The following TET3 variants were observed in gnomAD, a reference collection of about 807,000 sequenced individuals.
TET3 encodes tet methylcytosine dioxygenase 3.
Under a neutral mutation model 141.4 loss-of-function variants are expected in TET3, and 19 were observed. The observed-to-expected ratio is 0.13, with a 90% confidence interval of 0.09 to 0.20. The LOEUF (loss-of-function observed/expected upper bound fraction) is 0.20, where lower values mean the gene tolerates loss of function less well. Among genes scored for constraint, TET3 ranks in the 10% least tolerant of loss-of-function variants. TET3 has a pLI of 1.00. For synonymous variants in TET3, 1,043 were observed against 980.9 expected (o/e 1.06, Z -1.18); for missense variants, 1,874 against 2,356.9 (o/e 0.80, Z 4.24).
At chr2:74,133,407 G>A in the TET3 span, among the ~76,000 whole-genome samples, 1 of 152,244 alleles carries the variant, frequency 6.6e-6, no homozygotes. Flanking sequence ...CTGAGTGGCT[G>A]TGGCTCAACC....
rs757810178 is a variant in TET3 at position 74,101,519 on chromosome 2, G to A, written c.4731G>A (p.Arg1577=). The A allele has an allele frequency of 5.6e-6, 9 of 1,612,194 alleles. No individual in the cohort carries two copies. The highest frequency in any genetic ancestry group is 7.6e-6 in the Non-Finnish European group (9 of 1,179,170). ...IPAAGASQLD[R]AWQSFGLPLG... Reference sequence around the variant, plus strand: ...CCGCAGGGGCCAGCCAGCTGGACAGGGCCTGGCAGTCCTTTGGTCTGCCCC... The same window carrying A: ...CCGCAGGGGCCAGCCAGCTGGACAGAGCCTGGCAGTCCTTTGGTCTGCCCC... The change falls in exon 12 of 12, where the codon AGG becomes AGA. Residue 1577 remains arginine (R), a synonymous_variant. Coordinates refer to ENST00000409262, the MANE Select transcript of TET3 (RefSeq NM_001287491.2). The surrounding 1 kb of genome is among the most constrained non-coding windows in gnomAD (Gnocchi z 8.5).
At chr2:74,074,898 G>A (rs1402151259) in intron 5 of TET3, among the ~76,000 whole-genome samples, 1 of 151,890 alleles carries the variant, frequency 6.6e-6, no homozygotes, top group Admixed American at 6.6e-5. Flanking sequence ...TTTTGAGACG[G>A]AGTCGTGCTG....
chr2:74,109,430 CTT>C (rs1468388310), downstream of TET3, among the ~76,000 whole-genome samples: 6 of 151,604 alleles, frequency 4.0e-5, no homozygotes, highest in Admixed American at 3.3e-4. Context: ...CTTAAACTAT[CTT>C]TATCAGTATG....
chr2:73,983,689 T>G (rs1683864674), upstream of TET3, among the ~76,000 whole-genome samples: 1 of 152,250 alleles, frequency 6.6e-6, no homozygotes, highest in Non-Finnish European at 1.5e-5. Flanking sequence ...CCGAATGCTC[T>G]TTTTCCAGTT....
At chr2:74,115,912 G>A in the TET3 span, among the ~76,000 whole-genome samples, 1 of 151,600 alleles carries the variant, frequency 6.6e-6, no homozygotes, top group African/African-American at 2.4e-5. Context: ...CTACTTAGGA[G>A]GCAGAGGTGG....
At chr2:74,025,652 A>G (rs1686302578) in intron 3 of TET3, among the ~76,000 whole-genome samples, 1 of 152,176 alleles carries the variant, frequency 6.6e-6, no homozygotes, top group Non-Finnish European at 1.5e-5. Context: ...GCATTATTAT[A>G]CCAGCTAACC....
chr2:74,119,055 C>A, the TET3 span, among the ~76,000 whole-genome samples: 1 of 152,134 alleles, frequency 6.6e-6, no homozygotes, highest in Admixed American at 6.6e-5. Flanking sequence ...TTTGTTCTTT[C>A]ACAATATTGC....
At chr2:74,071,036 A>G (rs569134465) in intron 4 of TET3, among the ~76,000 whole-genome samples, 3 of 152,332 alleles carry the variant, frequency 2.0e-5, no homozygotes, top group African/African-American at 4.8e-5. Context: ...TCACAGCTGT[A>G]GAGGCTGAGA....
intron 4 of TET3, 70 bp downstream of exon 4, chr2:74,048,481 CCTG>C: frequency 6.8e-7 from 1 of 1,470,038 alleles, no homozygotes; most frequent in South Asian, 1.4e-5. Context: ...ATTTCTAGGC[CCTG>C]CCTTTCATTT....
In TET3 at chr2:74,046,455, C is replaced by A; in HGVS notation, c.538C>A (p.Pro180Thr). The change falls in exon 4 of 12, where the codon CCC (proline) becomes ACC (threonine). Residue 180 changes from proline to threonine, a missense_variant. This residue lies in a region of TET3 where 366 missense variants were observed against 487.0 expected (regional missense o/e 0.75). Coordinates refer to ENST00000409262, the MANE Select transcript of TET3 (RefSeq NM_001287491.2). This position sits in a 1 kb window ranked among gnomAD's most constrained non-coding sequence, Gnocchi z 4.3. The part of the protein sequence containing the change: ...TGGPWRVDQK[P>T]DWEAAPGPAH... Reference sequence around the variant, plus strand: ...GGGTCCTTGGCGGGTAGACCAAAAGCCCGACTGGGAGGCTGCCCCAGGCCC... The same window carrying A: ...GGGTCCTTGGCGGGTAGACCAAAAGACCGACTGGGAGGCTGCCCCAGGCCC... 1 of 1,608,250 alleles carries A rather than the reference C, an allele frequency of 6.2e-7. No individual in the cohort carries two copies. Among genetic ancestry groups the A allele is most frequent in the Non-Finnish European group, 8.5e-7 (1 of 1,176,800 alleles).
Position 73,989,910 on chromosome 2 carries a change from A to C in TET3, c.303+3204A>C, listed in dbSNP as rs550348214. Among the ~76,000 whole-genome samples the C allele has an allele frequency of 2.0e-5, 3 of 152,104 alleles. No homozygotes were observed. In the East Asian group the frequency reaches 5.8e-4, roughly 29 times the overall value. On this transcript the variant is annotated intron_variant, in intron 2 of 11. Transcript: ENST00000409262. The stretch of plus-strand genomic sequence containing the variant: ...CCAGTGCTCCATCCCTTCTGTGTCC[A>C]TTTTCTCAATTGTAAGATGGGAGTA...
intron 4 of TET3, among the ~76,000 whole-genome samples, chr2:74,051,419 G>A (rs1053528380): frequency 7.9e-5 from 12 of 152,176 alleles, no homozygotes; most frequent in Non-Finnish European, 1.5e-5. Flanking sequence ...AAAAAGACTA[G>A]AAGAAAATAT....
rs370240206 is a variant in TET3, at chr2:74,047,274, C to T, written c.1357C>T (p.Pro453Ser). ...PATPRSSWPM[P>S]RPSPDPMAEL... ...AACGCCCCGGAGCTCCTGGCCCATG[C>T]CTCGCCCAAGCCCCGATCCCATGGC... The change falls in exon 4 of 12, where the codon CCT becomes TCT. Residue 453 changes from proline to serine, a missense_variant. Coordinates refer to ENST00000409262, the MANE Select transcript of TET3 (RefSeq NM_001287491.2). The T allele has an allele frequency of 1.5e-5, 25 of 1,613,910 alleles. No individual in the cohort carries two copies. The South Asian group carries it at 2.7e-4, about 18-fold the overall frequency.
intron 3 of TET3, among the ~76,000 whole-genome samples, chr2:74,020,808 A>T (rs1280625118): frequency 6.6e-6 from 1 of 152,168 alleles, no homozygotes; most frequent in Non-Finnish European, 1.5e-5. Context: ...GGGAGTGAGG[A>T]CGTGAGCTGA....
At chr2:74,056,011 T>C (rs1173792116) in intron 4 of TET3, among the ~76,000 whole-genome samples, 2 of 152,202 alleles carry the variant, frequency 1.3e-5, no homozygotes, top group East Asian at 1.9e-4. Context: ...TATTCTGTTA[T>C]AAACAACAGA....
the TET3 span, chr2:74,135,326 T>C: frequency 2.3e-6 from 1 of 426,674 alleles, no homozygotes; most frequent in South Asian, 4.1e-5. Flanking sequence ...CTGCATTCTC[T>C]CTCTGTAGCA....
At chr2:74,056,700 C>CT (rs1332825510) in intron 4 of TET3, among the ~76,000 whole-genome samples, 1 of 152,102 alleles carries the variant, frequency 6.6e-6, no homozygotes, top group Non-Finnish European at 1.5e-5. Context: ...AAAATAGTGA[C>CT]TTAACAGCAA....
the TET3 span, chr2:74,120,713 C>T: frequency 6.6e-6 from 1 of 152,270 alleles, no homozygotes; most frequent in African/African-American, 2.4e-5. Context: ...CTTAGAAAAT[C>T]GATAGTCTTG....
the TET3 span, among the ~76,000 whole-genome samples, chr2:74,117,973 T>C: frequency 1.3e-5 from 2 of 152,146 alleles, no homozygotes; most frequent in Non-Finnish European, 2.9e-5. Context: ...CTCGAACTCC[T>C]GACCTCGTGA....
Sources: gnomAD v4.1 joint callset for allele counts (sites outside exome capture counted in the v4.1 genomes callset) on GRCh38, gnomAD v4.1.1 for gene constraint, gnomAD v4.1.1 regional missense constraint, Gnocchi (gnomAD v3.1) non-coding constraint, MANE v1.5 for transcripts, NCBI Gene and HGNC (gene_info 2026-07-23, HGNC 2026-07-21) for gene names.